The following TOX2 variants were observed in gnomAD, a reference collection of about 807,000 sequenced individuals.
TOX2 encodes the protein granulosa cell HMG box 1.
In TOX2, 15 loss-of-function variants were observed where a neutral mutation model predicts 47.4. The observed-to-expected ratio is 0.32, with a 90% CI of 0.21 to 0.49. The LOEUF is 0.49. Among genes scored for constraint, TOX2 ranks in the 20% least tolerant of loss-of-function variants. The pLI, the probability that TOX2 is intolerant of heterozygous loss-of-function variation, is 0.99. For synonymous variants in TOX2, 290 were observed against 296.6 expected (o/e 0.98, Z 0.23); for missense variants, 622 against 673.1 (o/e 0.92, Z 0.84).
chr20:44,027,391 GCCCACCCGGAA>G (rs2071083169), intron 3 of TOX2, among the ~76,000 whole-genome samples: 1 of 152,148 alleles, frequency 6.6e-6, no homozygotes, highest in South Asian at 2.1e-4. Context: ...GCCATGCTGA[GCCCACCCGGAA>G]CCCACCACCA....
At chr20:43,971,429 G>C (rs937567942) in intron 1 of TOX2, among the ~76,000 whole-genome samples, 3 of 152,336 alleles carry the variant, frequency 2.0e-5, no homozygotes, top group Non-Finnish European at 4.4e-5. Context: ...GCTGGGGCTG[G>C]CATCTGAGCC....
intron 2 of TOX2, among the ~76,000 whole-genome samples, chr20:43,988,083 C>G (rs1234443100): frequency 6.6e-6 from 1 of 151,920 alleles, no homozygotes; most frequent in East Asian, 1.9e-4. Flanking sequence ...CCACACCCAG[C>G]TAATTTTTGT....
chr20:44,034,788 G>A (rs762557478), intron 3 of TOX2, among the ~76,000 whole-genome samples: 1 of 152,190 alleles, frequency 6.6e-6, no homozygotes, highest in Non-Finnish European at 1.5e-5. Flanking sequence ...TGGTGGGCTG[G>A]AAGAGAATAC....
At chr20:44,060,294 AAAC>A (rs985862150) in intron 5 of TOX2, among the ~76,000 whole-genome samples, 7 of 152,364 alleles carry the variant, frequency 4.6e-5, no homozygotes, top group Non-Finnish European at 1.0e-4. Context: ...ATAGACAGTA[AAAC>A]AACAATAGCG....
At chr20:44,058,463 G>T (rs544461642) in intron 5 of TOX2, among the ~76,000 whole-genome samples, 1 of 152,242 alleles carries the variant, frequency 6.6e-6, no homozygotes, top group South Asian at 2.1e-4. Flanking sequence ...TAAGACAAAG[G>T]ACATAATCTC....
At chr20:43,922,400 A>C (rs922055145) in intron 1 of TOX2, among the ~76,000 whole-genome samples, 2 of 152,208 alleles carry the variant, frequency 1.3e-5, no homozygotes, top group Middle Eastern at 3.2e-3. Context: ...ATGTGGGAAG[A>C]AAGTTTAGCG....
Position 44,066,736 on chromosome 20 carries a change from C to T in TOX2, c.1363C>T (p.Pro455Ser). The T allele has an allele frequency of 6.2e-7, 1 of 1,614,176 alleles. No homozygotes were observed. The highest frequency in any genetic ancestry group is 1.1e-5 in the South Asian group (1 of 91,080). The change falls in exon 8 of 9, where the codon CCG (proline) becomes TCG (serine). Residue 455 changes from proline to serine, a missense_variant. This residue lies in a region of TOX2 where 294 missense variants were observed against 300.0 expected (regional missense o/e 0.98). Coordinates refer to ENST00000341197, the MANE Select transcript of TOX2 (RefSeq NM_001098797.2). ...CCTCCTTCCCACTCTGTAGGACTTC[C>T]CGCACATCTCTGAGTTCCCCAGCAG... ...SPSPPGPQDF[P>S]HISEFPSSSG...
At chr20:44,021,030 G>GTA (rs1422344706) in intron 3 of TOX2, among the ~76,000 whole-genome samples, 2 of 152,028 alleles carry the variant, frequency 1.3e-5, no homozygotes, top group African/African-American at 4.8e-5. Flanking sequence ...AAGACTCTAG[G>GTA]TTTTCCTGAA....
chr20:44,009,814 C>A (rs533964531), intron 3 of TOX2, among the ~76,000 whole-genome samples: 11 of 152,298 alleles, frequency 7.2e-5, no homozygotes, highest in African/African-American at 2.6e-4. Context: ...GGCACTTTGT[C>A]ATCTGCTATG....
intron 3 of TOX2, among the ~76,000 whole-genome samples, chr20:44,045,058 G>C (rs2071392275): frequency 6.6e-6 from 1 of 152,210 alleles, no homozygotes; most frequent in Non-Finnish European, 1.5e-5. Flanking sequence ...ACCTGGAGTA[G>C]TCATAGTTCT....
chr20:44,050,773 A>G (rs1045976858), intron 3 of TOX2, among the ~76,000 whole-genome samples: 8 of 76,284 alleles, frequency 1.0e-4, no homozygotes, highest in Non-Finnish European at 2.0e-4. Flanking sequence ...TTTGATCTTT[A>G]AGGAACCCTA....
chr20:44,067,760 G>A (rs1335966624), intron 8 of TOX2, among the ~76,000 whole-genome samples: 1 of 152,130 alleles, frequency 6.6e-6, no homozygotes, highest in Non-Finnish European at 1.5e-5. Context: ...GCAGGAGAGG[G>A]AGAGTGCAGT....
At chr20:43,949,486 C>T (rs1202845393) in intron 1 of TOX2, among the ~76,000 whole-genome samples, 3 of 152,184 alleles carry the variant, frequency 2.0e-5, no homozygotes, top group African/African-American at 2.4e-5. Flanking sequence ...TGTTCTGATA[C>T]CTTTAATATA....
chr20:44,039,731 A>G (rs987234963), intron 3 of TOX2, among the ~76,000 whole-genome samples: 1 of 152,186 alleles, frequency 6.6e-6, no homozygotes, highest in Non-Finnish European at 1.5e-5. Flanking sequence ...AAGGATGTCA[A>G]GTCTTCCAGG....
chr20:43,914,878 C>A lies in TOX2; in HGVS notation c.-14C>A. 1.0e-6 allele frequency: 1 copy of A among 1,003,412 alleles called. No homozygotes were observed. The highest frequency in any genetic ancestry group is 1.2e-6 in the Non-Finnish European group (1 of 843,600). 62.2% of individuals were successfully genotyped at this position (1,003,412 alleles called of 1,614,324 possible). The stretch of plus-strand genomic sequence containing the variant: ...CTGCCCGCGGGAGCCGCCGCCGCCG[C>A]CGCCGCGCCCGCCATGGACGTCCGC... On this transcript the variant is annotated 5_prime_UTR_variant, in exon 1 of 9. Transcript: ENST00000341197. This position sits in a 1 kb window ranked among gnomAD's most constrained non-coding sequence, Gnocchi z 4.5.
At chr20:44,054,653 G>A in intron 5 of TOX2, 127 bp downstream of exon 5, 1 of 1,033,760 alleles carries the variant, frequency 9.7e-7, no homozygotes, top group Non-Finnish European at 1.4e-6. Flanking sequence ...TCTTTCCTGG[G>A]CTCAGGTTGC....
At chr20:43,997,027 G>A (rs1257694451) in intron 2 of TOX2, among the ~76,000 whole-genome samples, 1 of 152,112 alleles carries the variant, frequency 6.6e-6, no homozygotes, top group Non-Finnish European at 1.5e-5. Context: ...GCATCACCAG[G>A]GAGTGAATGC....
intron 1 of TOX2, among the ~76,000 whole-genome samples, chr20:43,944,443 T>G (rs1051448400): frequency 2.0e-5 from 3 of 152,138 alleles, no homozygotes; most frequent in African/African-American, 7.2e-5. Flanking sequence ...GTCAGTTGTG[T>G]GAAGGTCAGG....
intron 1 of TOX2, among the ~76,000 whole-genome samples, chr20:43,946,474 G>A (rs1211177226): frequency 6.6e-6 from 1 of 152,136 alleles, no homozygotes; most frequent in Non-Finnish European, 1.5e-5. Flanking sequence ...TTCCAAGAAG[G>A]CAAGACGGGT....
Sources: allele counts gnomAD v4.1 joint callset (sites outside exome capture counted in the v4.1 genomes callset), GRCh38; gene constraint gnomAD v4.1.1; regional missense constraint gnomAD v4.1.1; non-coding constraint Gnocchi (gnomAD v3.1); transcripts MANE v1.5; gene names NCBI Gene and HGNC (gene_info 2026-07-23, HGNC 2026-07-21).